The following ST6GALNAC3 variants were observed in gnomAD, a reference collection of about 807,000 sequenced individuals.
ST6GALNAC3 encodes alpha-N-acetylgalactosaminide alpha-2,6-sialyltransferase 3.
Under a neutral mutation model 32.7 loss-of-function variants are expected in ST6GALNAC3, and 25 were observed. The ratio of observed to expected loss-of-function variants is 0.76; its 90% CI spans 0.56 to 1.07. The LOEUF (loss-of-function observed/expected upper bound fraction) is 1.07. ST6GALNAC3 is among the 50% of genes least tolerant of loss of function. The probability of loss-of-function intolerance (pLI) is 0.00; values close to 1 mark genes in which losing one functional copy is unlikely to be tolerated. For missense variants in ST6GALNAC3, 355 were observed against 382.4 expected (o/e 0.93, Z 0.60); for synonymous variants, 129 against 133.1 (o/e 0.97, Z 0.21).
At chr1:76,459,076 C>A (rs1658083980) in intron 3 of ST6GALNAC3, among the ~76,000 whole-genome samples, 1 of 152,062 alleles carries the variant, frequency 6.6e-6, no homozygotes, top group Non-Finnish European at 1.5e-5. Context: ...ATGTGCCTCC[C>A]AGCATATTGG....
intron 3 of ST6GALNAC3, among the ~76,000 whole-genome samples, chr1:76,447,730 G>A (rs1000751979): frequency 6.6e-6 from 1 of 152,170 alleles, no homozygotes. Flanking sequence ...TCAGAGAGTG[G>A]AAGCCGCAAG....
At chr1:76,426,476 C>A (rs1655394096) in intron 3 of ST6GALNAC3, among the ~76,000 whole-genome samples, 2 of 151,626 alleles carry the variant, frequency 1.3e-5, no homozygotes, top group Admixed American at 1.3e-4. Context: ...ATGGAGCTGT[C>A]ATCTCCTATG....
chr1:76,168,619 C>T (rs1218128894), intron 1 of ST6GALNAC3, among the ~76,000 whole-genome samples: 2 of 152,160 alleles, frequency 1.3e-5, no homozygotes, highest in African/African-American at 2.4e-5. Flanking sequence ...TTGAAAGTCT[C>T]TAATAACTTG....
intron 3 of ST6GALNAC3, among the ~76,000 whole-genome samples, chr1:76,464,848 A>G (rs1658520780): frequency 6.6e-6 from 1 of 152,194 alleles, no homozygotes; most frequent in Non-Finnish European, 1.5e-5. Context: ...GGTTATTTCC[A>G]GAGCTATGAT....
chr1:76,535,942 G>C (rs886378972), intron 3 of ST6GALNAC3, among the ~76,000 whole-genome samples: 2 of 152,068 alleles, frequency 1.3e-5, no homozygotes, highest in Admixed American at 1.3e-4. Context: ...AATAGCATTT[G>C]ATGGCTATTT....
At chr1:76,623,764 G>T (rs1648790419) in intron 3 of ST6GALNAC3, among the ~76,000 whole-genome samples, 1 of 151,854 alleles carries the variant, frequency 6.6e-6, no homozygotes, top group South Asian at 2.1e-4. Context: ...TAAAGGTCTA[G>T]TTGTGTGTAA....
At chr1:76,608,018 A>C (rs948977954) in intron 3 of ST6GALNAC3, among the ~76,000 whole-genome samples, 9 of 152,200 alleles carry the variant, frequency 5.9e-5, no homozygotes, top group Non-Finnish European at 1.3e-4. Context: ...CACAAACGGA[A>C]GTTTTCATAG....
intron 1 of ST6GALNAC3, among the ~76,000 whole-genome samples, chr1:76,308,143 C>G (rs899050005): frequency 3.3e-5 from 5 of 152,064 alleles, no homozygotes; most frequent in African/African-American, 9.7e-5. Flanking sequence ...TTACACTGAA[C>G]AGTTCAAGGG....
chr1:76,390,446 C>T lies in ST6GALNAC3; in HGVS notation c.214-21562C>T, dbSNP rs147948211. On this transcript the variant is annotated intron_variant, in intron 2 of 4. Transcript: ENST00000328299. ...ATTATTAACTACCAAACTCCTGTGA[C>T]ACAGTATCCTTCAAATTCCAAAACT... 5.4e-4 allele frequency among the ~76,000 whole-genome samples: 83 copies of T among 152,340 alleles called. 1 individual carries two copies. Among genetic ancestry groups the T allele is most frequent in the African/African-American group, 1.9e-3 (77 of 41,582 alleles).
At chr1:76,455,510 A>G (rs549184856) in intron 3 of ST6GALNAC3, among the ~76,000 whole-genome samples, 20 of 152,176 alleles carry the variant, frequency 1.3e-4, no homozygotes, top group African/African-American at 4.8e-4. Flanking sequence ...AACACCTCAT[A>G]CTCTTGCTTG....
At chr1:76,245,954 AATATTGTTATTAATTTTCTGTGTTGT>A (rs1442983976) in intron 1 of ST6GALNAC3, among the ~76,000 whole-genome samples, 6 of 152,044 alleles carry the variant, frequency 3.9e-5, no homozygotes, top group Non-Finnish European at 5.9e-5. Context: ...TGAAGTCCTG[AATATTGTTATTAATTTTCTGTGTTGT>A]TGATCTGTCT....
chr1:76,352,361 C>T (rs1649048350), intron 2 of ST6GALNAC3, among the ~76,000 whole-genome samples: 2 of 119,156 alleles, frequency 1.7e-5, no homozygotes, highest in Admixed American at 1.5e-4. Flanking sequence ...TGACTATTTC[C>T]TCCTTTTTTT....
At chr1:76,494,427 GTGTA>G (rs1660677120) in intron 3 of ST6GALNAC3, among the ~76,000 whole-genome samples, 1 of 71,374 alleles carries the variant, frequency 1.4e-5, no homozygotes, top group Non-Finnish European at 2.7e-5. Flanking sequence ...ATGTGTGCAT[GTGTA>G]TATATATATA....
intron 3 of ST6GALNAC3, among the ~76,000 whole-genome samples, chr1:76,555,888 C>A (rs1178839933): frequency 6.6e-6 from 1 of 152,030 alleles, no homozygotes; most frequent in Non-Finnish European, 1.5e-5. Flanking sequence ...ATATATTATT[C>A]ATATACCATA....
At chr1:76,472,822 A>T (rs1659120197) in intron 3 of ST6GALNAC3, among the ~76,000 whole-genome samples, 1 of 152,074 alleles carries the variant, frequency 6.6e-6, no homozygotes, top group African/African-American at 2.4e-5. Context: ...AATTGGAGAG[A>T]AAAACGAGGC....
chr1:76,628,078 T>C (rs1249494864), intron 4 of ST6GALNAC3, among the ~76,000 whole-genome samples: 2 of 152,004 alleles, frequency 1.3e-5, no homozygotes, highest in South Asian at 2.1e-4. Context: ...ATATCCTTGC[T>C]GGTGGGATAG....
chr1:76,205,375 A>T lies in ST6GALNAC3; in HGVS notation c.19-108430A>T, dbSNP rs75178453. ...TTCCTGATGGTGGGCAGGTCACTAC[A>T]TCTCCCCATCTACCTCCCTGCTTGC... On this transcript the variant is annotated intron_variant, in intron 1 of 4. Transcript: ENST00000328299. Among the ~76,000 whole-genome samples, 1,137 of 151,994 alleles carry T rather than the reference A, an allele frequency of 7.5e-3. 9 individuals are homozygous for T. The highest frequency in any genetic ancestry group is 0.026 in the African/African-American group (1,086 of 41,448).
chr1:76,436,008 C>G (rs1656117219), intron 3 of ST6GALNAC3, among the ~76,000 whole-genome samples: 1 of 152,014 alleles, frequency 6.6e-6, no homozygotes, highest in Non-Finnish European at 1.5e-5. Flanking sequence ...AGTCTTTTAT[C>G]CCTCACTCCC....
chr1:76,363,068 A>G (rs981797084), intron 2 of ST6GALNAC3, among the ~76,000 whole-genome samples: 10 of 152,222 alleles, frequency 6.6e-5, no homozygotes, highest in African/African-American at 2.4e-4. Context: ...GCTTCTTCCT[A>G]GACATCCAGG....
Sources: allele counts gnomAD v4.1 joint callset (sites outside exome capture counted in the v4.1 genomes callset), GRCh38; gene constraint gnomAD v4.1.1; transcripts MANE v1.5; gene names NCBI Gene and HGNC (gene_info 2026-07-23, HGNC 2026-07-21).